Variants in ERG observed in about 807,000 individuals in gnomAD.
ERG encodes transcriptional regulator ERG.
ERG carries 9 observed loss-of-function variants against 55.3 expected under a neutral mutation model. That is an observed-to-expected ratio of 0.16 (90% CI 0.10 to 0.28). The LOEUF is 0.28. Among genes scored for constraint, ERG ranks in the 10% least tolerant of loss-of-function variants. The pLI is 1.00. For missense variants in ERG, 434 were observed against 631.6 expected (o/e 0.69, Z 3.35); for synonymous variants, 223 against 237.3 (o/e 0.94, Z 0.55).
chr21:38,438,591 T>G (rs1182811733), intron 2 of ERG, among the ~76,000 whole-genome samples: 1 of 152,210 alleles, frequency 6.6e-6, no homozygotes, highest in Admixed American at 6.5e-5. Flanking sequence ...ATTCATGGCA[T>G]GCAATGAATC....
At chr21:38,648,454 G>A (rs573928452) in intron 1 of ERG, among the ~76,000 whole-genome samples, 149 of 152,328 alleles carry the variant, frequency 9.8e-4, no homozygotes, top group African/African-American at 3.4e-3. Flanking sequence ...CAATCTGAAA[G>A]GGTAATTTAT....
chr21:38,601,828 T>C (rs2836555), intron 1 of ERG, among the ~76,000 whole-genome samples: 8 of 152,052 alleles, frequency 5.3e-5, no homozygotes, highest in Non-Finnish European at 1.2e-4. Flanking sequence ...TTAAATGAGG[T>C]GTAGTCAAAG....
Position 38,380,597 on chromosome 21 carries a change from T to C in ERG, c.*2806A>G. On this transcript the variant is annotated 3_prime_UTR_variant, in exon 10 of 10. Transcript: ENST00000288319. ...GAAAAGGTTCATGCAATTATGAATA[T>C]GACCTGGAGGGGGCTTTGGAATTAG... The C allele has an allele frequency of 9.4e-7, 1 of 1,065,732 alleles. No individual in the cohort carries two copies. The highest frequency in any genetic ancestry group is 1.1e-6 in the Non-Finnish European group (1 of 879,538). The allele number at this position is 1,065,732 out of a possible 1,614,324, so 66.0% of individuals were successfully genotyped here.
intron 1 of ERG, among the ~76,000 whole-genome samples, chr21:38,635,266 G>A (rs2060381177): frequency 6.6e-6 from 1 of 151,958 alleles, no homozygotes; most frequent in Admixed American, 6.6e-5. Context: ...AAAAATGTGA[G>A]CCTACTATAA....
intron 3 of ERG, among the ~76,000 whole-genome samples, chr21:38,421,583 C>G (rs551756139): frequency 7.2e-5 from 11 of 152,168 alleles, no homozygotes; most frequent in Non-Finnish European, 1.2e-4. Flanking sequence ...CATCACACTT[C>G]GCAGATATTA....
intron 2 of ERG, among the ~76,000 whole-genome samples, chr21:38,573,297 A>T (rs2059971510): frequency 6.6e-6 from 1 of 152,186 alleles, no homozygotes; most frequent in Non-Finnish European, 1.5e-5. Context: ...CCAGCCCGAC[A>T]CCCGTAAAGG....
At chr21:38,485,491 C>T (rs796172664) in intron 1 of ERG, among the ~76,000 whole-genome samples, 11 of 131,466 alleles carry the variant, frequency 8.4e-5, no homozygotes, top group African/African-American at 3.1e-4. Flanking sequence ...GATGGAGTCT[C>T]GCTGTGTCAC....
At chr21:38,384,005 G>A in intron 9 of ERG, 82 bp from the exon 10 acceptor site, 5 of 1,510,200 alleles carry the variant, frequency 3.3e-6, no homozygotes, top group Middle Eastern at 2.5e-4. Context: ...ACGGAAGGAG[G>A]TGCTATTGGT....
Position 38,519,733 on chromosome 21 carries a change from C to T in ERG, c.-41+55929G>A, listed in dbSNP as rs571243849. Among the ~76,000 whole-genome samples the T allele has an allele frequency of 4.8e-4, 73 of 152,218 alleles. 2 individuals carry two copies. The South Asian group carries it at 0.015, about 31-fold the overall frequency. ...GTAATTCCACTATTTAATACATGTA[C>T]AATAGAGATGTGTGTATATGTGCAC... On this transcript the variant is annotated intron_variant, in intron 2 of 8. Coordinates refer to the ERG transcript ENST00000398897.
chr21:38,485,772 A>G (rs1476111017), intron 1 of ERG, among the ~76,000 whole-genome samples: 2 of 151,538 alleles, frequency 1.3e-5, no homozygotes, highest in South Asian at 2.1e-4. Flanking sequence ...TACAGTGTTT[A>G]TAAGTCTACA....
At chr21:38,546,178 A>G (rs1206426012) in intron 2 of ERG, among the ~76,000 whole-genome samples, 1 of 152,012 alleles carries the variant, frequency 6.6e-6, no homozygotes, top group Non-Finnish European at 1.5e-5. Context: ...AGCCTTTCCT[A>G]TATGCTGGAT....
chr21:38,375,989 ATTTG>A (rs552157933), downstream of ERG, among the ~76,000 whole-genome samples: 3 of 152,108 alleles, frequency 2.0e-5, no homozygotes, highest in Non-Finnish European at 2.9e-5. Flanking sequence ...ATGAATAATC[ATTTG>A]TTTGTTTGCT....
rs941634020 is a variant in ERG at position 38,514,185 on chromosome 21, C to A, written c.-41+61477G>T. On this transcript the variant is annotated intron_variant, in intron 2 of 8. Coordinates refer to the ERG transcript ENST00000398897. ...AAAAATAAAAAAAAGAAAGAAAGTT[C>A]CAGGCCAGACGGATTTATCAGCAAA... Among the ~76,000 whole-genome samples the A allele has an allele frequency of 1.7e-4, 26 of 151,330 alleles. 1 individual carries two copies. Among genetic ancestry groups the A allele is most frequent in the African/African-American group, 6.3e-4 (26 of 41,374 alleles).
chr21:38,446,447 G>A (rs2146559291), intron 1 of ERG, among the ~76,000 whole-genome samples: 1 of 152,246 alleles, frequency 6.6e-6, no homozygotes, highest in Middle Eastern at 3.4e-3. Flanking sequence ...TTAGCCAATG[G>A]CTATGTTTAT....
At chr21:38,433,650 C>A (rs1261769860) in intron 2 of ERG, among the ~76,000 whole-genome samples, 4 of 152,134 alleles carry the variant, frequency 2.6e-5, no homozygotes, top group Non-Finnish European at 1.5e-5. Context: ...GAGCCTCAGC[C>A]CTTGTGAGTG....
intron 1 of ERG, among the ~76,000 whole-genome samples, chr21:38,655,639 A>C (rs2146992277): frequency 6.6e-6 from 1 of 152,332 alleles, no homozygotes; most frequent in Admixed American, 6.5e-5. Context: ...CCATTTAATC[A>C]GGCCAAATTC....
chr21:38,506,509 T>C (rs1205588186), intron 2 of ERG, among the ~76,000 whole-genome samples: 1 of 152,236 alleles, frequency 6.6e-6, no homozygotes, highest in Non-Finnish European at 1.5e-5. Flanking sequence ...TGGTACTTTA[T>C]GTATATATGA....
chr21:38,639,574 C>T (rs2060410991), intron 1 of ERG, among the ~76,000 whole-genome samples: 1 of 151,952 alleles, frequency 6.6e-6, no homozygotes, highest in African/African-American at 2.4e-5. Context: ...CTGAAGAGGC[C>T]CACTGAGTAC....
chr21:38,581,196 G>C (rs1019693521), intron 1 of ERG, among the ~76,000 whole-genome samples: 1 of 152,162 alleles, frequency 6.6e-6, no homozygotes, highest in East Asian at 1.9e-4. Flanking sequence ...GCAGGAATGG[G>C]GCCTAGAAGG....
Sources: allele counts gnomAD v4.1 joint callset (sites outside exome capture counted in the v4.1 genomes callset), GRCh38; gene constraint gnomAD v4.1.1; transcripts MANE v1.5; gene names NCBI Gene and HGNC (gene_info 2026-07-23, HGNC 2026-07-21).